SPTA1: variants seen among roughly 807,000 people sequenced by gnomAD.
The protein encoded by SPTA1 is spectrin alpha, erythrocytic 1.
Under a neutral mutation model 324.7 loss-of-function variants are expected in SPTA1, and 177 were observed. The observed-to-expected ratio is 0.55, with a 90% CI of 0.48 to 0.62. The LOEUF (loss-of-function observed/expected upper bound fraction) is 0.62. SPTA1 is among the 20% of genes least tolerant of loss of function. SPTA1 has a pLI of 0.00. For synonymous variants in SPTA1, 1,195 were observed against 1,041.3 expected, an observed-to-expected ratio of 1.15 and a Z score of -2.84; for missense variants, 3,162 against 2,883.6, an observed-to-expected ratio of 1.10 and a Z score of -2.21.
At chr1:158,640,632 AAGG>A (rs1402662832) in intron 33 of SPTA1, among the ~76,000 whole-genome samples, 1 of 152,194 alleles carries the variant, frequency 6.6e-6, no homozygotes, top group Non-Finnish European at 1.5e-5. Context: ...GGACCTCTTC[AAGG>A]AGAACTACAA....
intron 38 of SPTA1, among the ~76,000 whole-genome samples, chr1:158,635,076 GC>G (rs5778086): frequency 0.34 from 51,686 of 151,520 alleles, 9,347 homozygotes; most frequent in African/African-American, 0.46. Context: ...CTTCCTTTTA[GC>G]CCCCCCCAGG....
chr1:158,618,405 AG>A (rs1404759459), intron 45 of SPTA1, among the ~76,000 whole-genome samples: 4 of 152,200 alleles, frequency 2.6e-5, no homozygotes, highest in Non-Finnish European at 4.4e-5. Flanking sequence ...GACATGGTAT[AG>A]GATTTCTTTT....
Position 158,680,817 on chromosome 1 carries a change from G to A in SPTA1, c.532-88C>T, listed in dbSNP as rs1654753540. 3.2e-6 allele frequency: 5 copies of A among 1,553,320 alleles called. No homozygotes were observed. The East Asian group carries it at 6.8e-5, about 21-fold the overall frequency. On this transcript the variant is annotated intron_variant, in intron 4 of 51. Transcript: ENST00000643759. Reference sequence around the variant, plus strand: ...CTCAAAACTCCTGCTTGCATTCCCAGGATAACTCAAATGGAGATACTGGGG... The same window carrying A: ...CTCAAAACTCCTGCTTGCATTCCCAAGATAACTCAAATGGAGATACTGGGG...
At chr1:158,617,472 G>T in intron 47 of SPTA1, 65 bp downstream of exon 47, 1 of 1,378,688 alleles carries the variant, frequency 7.3e-7, no homozygotes, top group Non-Finnish European at 1.0e-6. Flanking sequence ...CTTCCCTTAG[G>T]TGATTATTTT....
At position 158,642,401 on chromosome 1, in the gene SPTA1, T is replaced by G; in HGVS notation, c.4737+10A>C. Reference sequence around the variant, plus strand: ...TGACTTTGTAGCCCAAAACTCATCCTGAGCTTTACCTTCATGGCCTCTTCA... The same window carrying G: ...TGACTTTGTAGCCCAAAACTCATCCGGAGCTTTACCTTCATGGCCTCTTCA... On this transcript the variant is annotated intron_variant, in intron 33 of 51. Transcript: ENST00000643759. The G allele has an allele frequency of 6.2e-7, 1 of 1,612,926 alleles. No homozygotes were observed. Among genetic ancestry groups the G allele is most frequent in the Non-Finnish European group, 8.5e-7 (1 of 1,179,240 alleles).
chr1:158,661,221 T>C (rs1357917415), intron 18 of SPTA1, 66 bp downstream of exon 18: 1 of 1,611,606 alleles, frequency 6.2e-7, no homozygotes. Context: ...CCTAGGATAG[T>C]ACAAACTTCT....
chr1:158,677,800 T>C lies in SPTA1; in HGVS notation c.847A>G (p.Lys283Glu). 1 of 1,613,582 alleles carries C rather than the reference T, an allele frequency of 6.2e-7. No homozygotes were observed. The highest frequency in any genetic ancestry group is 8.5e-7 in the Non-Finnish European group (1 of 1,179,692). ...TCCTCAGAGGTGAGTACAGGTTCCT[T>C]CTCCTTGATCCACTGGATGGCTTCA... ...VTEAIQWIKE[K>E]EPVLTSEDYG... The change falls in exon 7 of 52, where the codon AAG becomes GAG. Residue 283 changes from lysine to glutamate, a missense_variant. Physicochemically the swap from Lys to Glu is moderately conservative, Grantham distance 56 (BLOSUM62 1). Transcript: ENST00000643759.
intron 16 of SPTA1, among the ~76,000 whole-genome samples, chr1:158,665,684 G>GT (rs1273841926): frequency 1.3e-5 from 2 of 152,150 alleles, no homozygotes; most frequent in Non-Finnish European, 2.9e-5. Flanking sequence ...TGGCTCTGTT[G>GT]TTAATTTTCG....
chr1:158,627,057 T>G lies in SPTA1; in HGVS notation c.5665-50A>C, dbSNP rs566105441. ...TATTTATAATGTGCAGGGCTGGAAA[T>G]GTGAATCCATTAGTACCAATAGAAA... On this transcript the variant is annotated intron_variant, in intron 40 of 51. Transcript: ENST00000643759. 15 of 1,606,744 alleles carry G rather than the reference T, an allele frequency of 9.3e-6. No individual in the cohort carries two copies. In the South Asian group the frequency reaches 1.5e-4, roughly 17 times the overall value.
In SPTA1 at chr1:158,636,688, G is replaced by C. The variant is rs377659326; in HGVS notation, c.5263C>G (p.His1755Asp). 6.2e-6 allele frequency: 10 copies of C among 1,613,980 alleles called. No individual in the cohort carries two copies. Among genetic ancestry groups the C allele is most frequent in the Middle Eastern group, 1.6e-4 (1 of 6,080 alleles). The stretch of plus-strand genomic sequence containing the variant: ...ACCAGCTCCCCCTCTAGGCGTTTGT[G>C]CTTCTTCAGCAAGTTCTGAACCCCC... ...LQGVQNLLKK[H>D]KRLEGELVAH... Residue 1755 changes from histidine (H) to aspartate (D), a missense_variant, in exon 37 of 52, where the codon CAC (histidine) becomes GAC (aspartate). His to Asp is a moderately conservative substitution (Grantham distance 81). Transcript: ENST00000643759.
rs1274585482 is a variant in SPTA1, at chr1:158,641,595, C to T, written c.4737+816G>A. Among the ~76,000 whole-genome samples the T allele has an allele frequency of 2.0e-5, 3 of 152,270 alleles. No individual in the cohort carries two copies. In the South Asian group the frequency reaches 6.2e-4, roughly 32 times the overall value. On this transcript the variant is annotated intron_variant, in intron 33 of 51. Transcript: ENST00000643759. Reference sequence around the variant, plus strand: ...CACTGGTCATCAGAGAAATGCAAATCAAAACCACAATGAGATACCATCTCA... The same window carrying T: ...CACTGGTCATCAGAGAAATGCAAATTAAAACCACAATGAGATACCATCTCA...
Position 158,642,530 on chromosome 1 carries a change from T to C in SPTA1, c.4618A>G (p.Lys1540Glu). 6.2e-7 allele frequency: 1 copy of C among 1,613,582 alleles called. No homozygotes were observed. Among genetic ancestry groups the C allele is most frequent in the Non-Finnish European group, 8.5e-7 (1 of 1,179,652 alleles). The change falls in exon 33 of 52, where the codon AAA becomes GAA. Residue 1540 changes from lysine to glutamate, a missense_variant. Coordinates refer to ENST00000643759, the MANE Select transcript of SPTA1 (RefSeq NM_003126.4). Reference protein sequence around the residue: ...DATNIQRKYLKHQTFAHEVDG... With the variant: ...DATNIQRKYLEHQTFAHEVDG... ...ACTTCATGTGCAAAGGTCTGGTGTT[T>C]CAGGTATTTCCTCTGAAGGGAAAAT...
At chr1:158,669,665 T>G (rs762644504) in intron 13 of SPTA1, 44 bp downstream of exon 13, 1 of 1,614,056 alleles carries the variant, frequency 6.2e-7, no homozygotes, top group Middle Eastern at 1.6e-4. Context: ...CTCTTCTTGA[T>G]TCTAGTGTGT....
At chr1:158,645,888 A>G (rs1651965907) in intron 27 of SPTA1, among the ~76,000 whole-genome samples, 1 of 152,310 alleles carries the variant, frequency 6.6e-6, no homozygotes, top group Admixed American at 6.5e-5. Flanking sequence ...TCACCTTAGA[A>G]AAGGTAATTA....
At position 158,615,205 on chromosome 1, in the gene SPTA1, G is replaced by A. The variant is rs779537034; in HGVS notation, c.6788+11C>T. The A allele has an allele frequency of 1.7e-5, 28 of 1,612,692 alleles. No individual in the cohort carries two copies. The highest frequency in any genetic ancestry group is 6.7e-5 in the Admixed American group (4 of 60,020). On this transcript the variant is annotated intron_variant, in intron 48 of 51. Transcript: ENST00000643759. ...GCATCCCTCCCTGCTCTGGCCACAC[G>A]CCCTCAATACTTGGCCTGGATCTGT... is the stretch of plus-strand genomic sequence containing the variant.
At chr1:158,637,289 C>T (rs1233733919) in intron 36 of SPTA1, among the ~76,000 whole-genome samples, 1 of 152,152 alleles carries the variant, frequency 6.6e-6, no homozygotes, top group Non-Finnish European at 1.5e-5. Flanking sequence ...ATCTTATGGT[C>T]TTATCCAAAA....
In SPTA1 at chr1:158,611,378, T is replaced by C; in HGVS notation, c.7146A>G (p.Pro2382=). The change falls in exon 52 of 52, where the codon CCA becomes CCG. Residue 2382 remains proline, a synonymous_variant. Transcript: ENST00000643759. ...GTGTGGCACAGAATGACACTTGCTC[T>C]GGGGTAAGGGCCTGAAAAGTATAAA... ...TKEDMKQALT[P]EQVSFCATHM... The C allele has an allele frequency of 6.2e-7, 1 of 1,613,710 alleles. No individual in the cohort carries two copies. The highest frequency in any genetic ancestry group is 8.5e-7 in the Non-Finnish European group (1 of 1,179,710).
rs1236354974 is a variant in SPTA1, at chr1:158,674,399, T to G, written c.1280A>C (p.Gln427Pro). Reference sequence around the variant, plus strand: ...GTCTTGACCAGTCTCATCAGCAGATTGAAATCGGTCATCGTAAGAGTCAAT... The same window carrying G: ...GTCTTGACCAGTCTCATCAGCAGATGGAAATCGGTCATCGTAAGAGTCAAT... ...HEIDSYDDRF[Q>P]SADETGQDLV... The change falls in exon 10 of 52, where the codon CAA (glutamine) becomes CCA (proline). Residue 427 changes from glutamine (Q) to proline (P), a missense_variant. Transcript: ENST00000643759. 1.2e-6 allele frequency: 2 copies of G among 1,614,122 alleles called. No individual in the cohort carries two copies. Among genetic ancestry groups the G allele is most frequent in the Non-Finnish European group, 8.5e-7 (1 of 1,179,976 alleles).
In SPTA1 at chr1:158,657,600, A is replaced by G; in HGVS notation, c.2682T>C (p.Asp894=). Residue 894 remains aspartate (D), a synonymous_variant, in exon 19 of 52, where the codon GAT becomes GAC. Coordinates refer to ENST00000643759, the MANE Select transcript of SPTA1 (RefSeq NM_003126.4). The part of the protein sequence containing the change: ...LRARAARRQN[D]LEANVQFQQY... ...GCTGGAACTGGACATTGGCTTCAAG[A>G]TCATTTTGTCGCCTAGCAGCTCGAG... is the stretch of plus-strand genomic sequence containing the variant. The G allele has an allele frequency of 6.2e-7, 1 of 1,614,104 alleles. No homozygotes were observed.
Sources: gnomAD v4.1 joint callset for allele counts (sites outside exome capture counted in the v4.1 genomes callset) on GRCh38, gnomAD v4.1.1 for gene constraint, MANE v1.5 for transcripts, NCBI Gene and HGNC (gene_info 2026-07-23, HGNC 2026-07-21) for gene names.